Variants in CTDSPL observed in about 807,000 individuals in gnomAD.
CTDSPL encodes the protein CTD small phosphatase-like protein.
A neutral mutation model predicts 30.5 loss-of-function variants in CTDSPL; 8 were observed. The ratio of observed to expected loss-of-function variants is 0.26; its 90% CI spans 0.15 to 0.47. CTDSPL has a LOEUF of 0.47. CTDSPL is among the 20% of genes least tolerant of loss of function. The probability of loss-of-function intolerance (pLI) is 0.99; values close to 1 mark genes in which losing one functional copy is unlikely to be tolerated. For synonymous variants in CTDSPL, 110 were observed against 137.9 expected, an observed-to-expected ratio of 0.80 and a Z score of 1.42; for missense variants, 248 against 366.1, an observed-to-expected ratio of 0.68 and a Z score of 2.63.
At chr3:37,972,456 C>T (rs759746677) in intron 6 of CTDSPL, among the ~76,000 whole-genome samples, 51 of 152,184 alleles carry the variant, frequency 3.4e-4, no homozygotes, top group Non-Finnish European at 4.6e-4. Flanking sequence ...CATGCCACTG[C>T]ACTCCACCCT....
chr3:37,937,003 G>A (rs1478994160), intron 1 of CTDSPL, among the ~76,000 whole-genome samples: 1 of 150,936 alleles, frequency 6.6e-6, no homozygotes, highest in African/African-American at 2.4e-5. Context: ...TTGGTGTGTT[G>A]TCAGAGAAAA....
At chr3:37,918,274 A>C (rs940193748) in intron 1 of CTDSPL, among the ~76,000 whole-genome samples, 6 of 152,018 alleles carry the variant, frequency 3.9e-5, no homozygotes, top group Admixed American at 6.6e-5. Context: ...AAATCTATCT[A>C]GTATCAGGAA....
At chr3:37,934,187 AAC>A (rs1698888744) in intron 1 of CTDSPL, among the ~76,000 whole-genome samples, 1 of 152,054 alleles carries the variant, frequency 6.6e-6, no homozygotes, top group Non-Finnish European at 1.5e-5. Context: ...ATTAGCCAGG[AAC>A]AGTGTCATAT....
rs375068821 is a variant in CTDSPL, at chr3:37,969,622, C to T, written c.426+1740C>T. On this transcript the variant is annotated intron_variant, in intron 5 of 7. Coordinates refer to ENST00000273179, the MANE Select transcript of CTDSPL (RefSeq NM_001008392.2). ...GGACTCCCAGGGTGACTGAGGACTACAGGCCACACCCGTTTGCTGGCAACG... is the reference window on the plus strand; with the variant it reads ...GGACTCCCAGGGTGACTGAGGACTATAGGCCACACCCGTTTGCTGGCAACG... 39 of 333,980 alleles carry T rather than the reference C, an allele frequency of 1.2e-4. No individual in the cohort carries two copies. The East Asian group carries it at 1.8e-3, about 15-fold the overall frequency. The allele number at this position is 333,980 out of a possible 1,614,324, so 20.7% of individuals were successfully genotyped here. A position where few individuals can be genotyped will look rare whatever the true frequency, so the allele number is the denominator to read the frequency against.
chr3:37,880,057 T>C (rs1404182277), intron 1 of CTDSPL, among the ~76,000 whole-genome samples: 1 of 150,416 alleles, frequency 6.6e-6, no homozygotes, highest in African/African-American at 2.4e-5. Flanking sequence ...AAGAAAAGGA[T>C]ATATGCAAAG....
chr3:37,966,795 T>G (rs1045706421), intron 4 of CTDSPL, among the ~76,000 whole-genome samples: 1 of 152,184 alleles, frequency 6.6e-6, no homozygotes, highest in Non-Finnish European at 1.5e-5. Context: ...AAAGCAGACT[T>G]CGGTTCAGAG....
chr3:37,967,388 C>T (rs1216721645), intron 4 of CTDSPL, among the ~76,000 whole-genome samples: 3 of 152,360 alleles, frequency 2.0e-5, no homozygotes, highest in South Asian at 2.1e-4. Context: ...AGCAGCCCAT[C>T]GCAGGGCAGC....
intron 4 of CTDSPL, among the ~76,000 whole-genome samples, chr3:37,967,464 A>G (rs1015140030): frequency 4.6e-5 from 7 of 152,216 alleles, no homozygotes; most frequent in African/African-American, 1.7e-4. Context: ...AGCCCATTAC[A>G]TGCTCAGCTC....
chr3:37,900,466 A>G (rs1284334108), intron 1 of CTDSPL, among the ~76,000 whole-genome samples: 2 of 152,210 alleles, frequency 1.3e-5, no homozygotes, highest in Non-Finnish European at 2.9e-5. Context: ...TATTGATACA[A>G]AGATTTGAAG....
At chr3:37,894,963 C>T (rs967961039) in intron 1 of CTDSPL, among the ~76,000 whole-genome samples, 7 of 152,100 alleles carry the variant, frequency 4.6e-5, no homozygotes, top group Non-Finnish European at 1.0e-4. Flanking sequence ...TGCTTTATGC[C>T]ATTGAGCACA....
intron 1 of CTDSPL, among the ~76,000 whole-genome samples, chr3:37,939,530 A>T (rs1038416853): frequency 6.6e-6 from 1 of 150,398 alleles, no homozygotes; most frequent in Admixed American, 6.7e-5. Flanking sequence ...GTTTAAACTC[A>T]GTAGTTTTAA....
Position 37,981,094 on chromosome 3 carries a change from G to T in CTDSPL, c.*227G>T. On this transcript the variant is annotated 3_prime_UTR_variant, in exon 8 of 8. Transcript: ENST00000273179. Reference sequence around the variant, plus strand: ...AAGGGACATGCATTTTACTGGGTTTGCTTTTCTTAAAACATACCAAAAAAG... The same window carrying T: ...AAGGGACATGCATTTTACTGGGTTTTCTTTTCTTAAAACATACCAAAAAAG... The T allele has an allele frequency of 3.1e-6, 1 of 327,130 alleles. No homozygotes were observed. Among genetic ancestry groups the T allele is most frequent in the Non-Finnish European group, 5.3e-6 (1 of 189,012 alleles). The allele number at this position is 327,130 out of a possible 1,614,324, so 20.3% of individuals were successfully genotyped here. A position where few individuals can be genotyped will look rare whatever the true frequency, so the allele number is the denominator to read the frequency against.
Position 37,981,851 on chromosome 3 carries a change from A to G in CTDSPL, c.*984A>G, listed in dbSNP as rs1699496039. ...TGGATACACATGGAGCTGTTTGGGA[A>G]TTTTCCTTGCTGCTACCGCGCTGCC... On this transcript the variant is annotated 3_prime_UTR_variant, in exon 8 of 8. Transcript: ENST00000273179. The G allele has an allele frequency of 6.6e-6, 3 of 457,062 alleles. No individual in the cohort carries two copies. The highest frequency in any genetic ancestry group is 1.3e-5 in the Non-Finnish European group (3 of 227,066). The allele number at this position is 457,062 out of a possible 1,614,324, so 28.3% of individuals were successfully genotyped here. A position where few individuals can be genotyped will look rare whatever the true frequency, so the allele number is the denominator to read the frequency against.
intron 1 of CTDSPL, among the ~76,000 whole-genome samples, chr3:37,896,513 A>G (rs535734598): frequency 2.0e-5 from 3 of 152,250 alleles, no homozygotes; most frequent in African/African-American, 7.2e-5. Flanking sequence ...TGGGAAGTGA[A>G]TGCTTTAACA....
rs1697956410 is a variant in CTDSPL, at chr3:37,862,602, C to T, written c.79+324C>T. ...CTAACACAGAGGTTCTAAGTGTGTG[C>T]ACTTGTATGTGTGTGTGCACACGCG... is the stretch of plus-strand genomic sequence containing the variant. On this transcript the variant is annotated intron_variant, in intron 1 of 7. Coordinates refer to ENST00000273179, the MANE Select transcript of CTDSPL (RefSeq NM_001008392.2). This position sits in a 1 kb window ranked among gnomAD's most constrained non-coding sequence, Gnocchi z 4.3. 6.6e-6 allele frequency among the ~76,000 whole-genome samples: 1 copy of T among 152,226 alleles called. No homozygotes were observed. Among genetic ancestry groups the T allele is most frequent in the East Asian group, 1.9e-4 (1 of 5,172 alleles).
chr3:37,862,553 G>C lies in CTDSPL; in HGVS notation c.79+275G>C, dbSNP rs200408194. On this transcript the variant is annotated intron_variant, in intron 1 of 7. Coordinates refer to ENST00000273179, the MANE Select transcript of CTDSPL (RefSeq NM_001008392.2). The surrounding 1 kb of genome is among the most constrained non-coding windows in gnomAD (Gnocchi z 4.3). The stretch of plus-strand genomic sequence containing the variant: ...GTTTGTGTGCGCGCACGCCCGCAGA[G>C]AAGTTGTGAGCCTGTGTGTGCACCT... Among the ~76,000 whole-genome samples the C allele has an allele frequency of 1.3e-5, 2 of 152,198 alleles. No homozygotes were observed. The highest frequency in any genetic ancestry group is 6.5e-5 in the Admixed American group (1 of 15,286).
At chr3:37,978,968 G>A (rs918052021) in intron 7 of CTDSPL, among the ~76,000 whole-genome samples, 1 of 152,054 alleles carries the variant, frequency 6.6e-6, no homozygotes, top group African/African-American at 2.4e-5. Context: ...TAACTTCTTT[G>A]CTTGTTTTGT....
intron 1 of CTDSPL, among the ~76,000 whole-genome samples, chr3:37,878,857 TAAA>T (rs1698168748): frequency 6.6e-6 from 1 of 152,234 alleles, no homozygotes; most frequent in Non-Finnish European, 1.5e-5. Flanking sequence ...TAAGATAAGA[TAAA>T]TAAGCATTTG....
At chr3:37,928,655 G>T (rs1272130777) in intron 1 of CTDSPL, among the ~76,000 whole-genome samples, 1 of 152,122 alleles carries the variant, frequency 6.6e-6, no homozygotes, top group Non-Finnish European at 1.5e-5. Context: ...GTTCTGCATT[G>T]TAAGGGTTCT....
Sources: allele counts gnomAD v4.1 joint callset (sites outside exome capture counted in the v4.1 genomes callset), GRCh38; gene constraint gnomAD v4.1.1; non-coding constraint Gnocchi (gnomAD v3.1); transcripts MANE v1.5; gene names NCBI Gene and HGNC (gene_info 2026-07-23, HGNC 2026-07-21).